Variants in KDM4C observed in about 807,000 individuals in gnomAD.
KDM4C encodes lysine demethylase 4C.
KDM4C carries 81 observed loss-of-function variants against 129.3 expected under a neutral mutation model. The ratio of observed to expected loss-of-function variants is 0.63; its 90% confidence interval spans 0.52 to 0.75. KDM4C has a LOEUF of 0.75. Among genes scored for constraint, KDM4C ranks in the 30% least tolerant of loss-of-function variants. The pLI, the probability that KDM4C is intolerant of heterozygous loss-of-function variation, is 0.00. For missense variants in KDM4C, 1,457 were observed against 1,304.0 expected (o/e 1.12, Z -1.81); for synonymous variants, 573 against 456.1 (o/e 1.26, Z -3.26).
intron 1 of KDM4C, among the ~76,000 whole-genome samples, chr9:6,740,290 G>A (rs1262380131): frequency 1.3e-5 from 2 of 151,122 alleles, no homozygotes; most frequent in Non-Finnish European, 3.0e-5. Context: ...TGCAAGCTCC[G>A]CCTCCCGGGT....
At chr9:6,986,233 A>G (rs1817674257) in intron 10 of KDM4C, 111 bp from the exon 11 acceptor site, 1 of 699,962 alleles carries the variant, frequency 1.4e-6, no homozygotes, top group South Asian at 1.9e-5. Context: ...GTGCATGCGC[A>G]TGCGTGTGTA....
Position 6,746,683 on chromosome 9 carries a change from T to G in KDM4C, c.49+25686T>G, listed in dbSNP as rs200045970. Among the ~76,000 whole-genome samples, 3 of 148,220 alleles carry G rather than the reference T, an allele frequency of 2.0e-5. No individual in the cohort carries two copies. In the South Asian group the frequency reaches 6.3e-4, roughly 31 times the overall value. On this transcript the variant is annotated intron_variant, in intron 1 of 17. Coordinates refer to the KDM4C transcript ENST00000536108. ...TCGCTTGAGCCCAGGAATTCCAGAC[T>G]AGCCTGGGCAACATGGCAAAACCTC... is the stretch of plus-strand genomic sequence containing the variant.
chr9:6,779,054 A>G (rs1823735360), intron 1 of KDM4C, among the ~76,000 whole-genome samples: 5 of 68,108 alleles, frequency 7.3e-5, no homozygotes, highest in South Asian at 6.9e-4. Flanking sequence ...TTTGAGATGG[A>G]GTCTCGCTCT....
chr9:6,795,846 A>G (rs1421127957), intron 2 of KDM4C, among the ~76,000 whole-genome samples: 3 of 149,406 alleles, frequency 2.0e-5, no homozygotes, highest in East Asian at 2.0e-4. Context: ...TAAGTTTTGT[A>G]TTTTTTGTAG....
At chr9:7,014,101 A>T in intron 14 of KDM4C, 100 bp downstream of exon 14, 1 of 858,998 alleles carries the variant, frequency 1.2e-6, no homozygotes, top group Admixed American at 2.3e-5. Flanking sequence ...TGCATGGACT[A>T]TTGGCATTCT....
At chr9:6,810,340 G>T (rs1830916966) in intron 3 of KDM4C, among the ~76,000 whole-genome samples, 1 of 152,118 alleles carries the variant, frequency 6.6e-6, no homozygotes, top group Non-Finnish European at 1.5e-5. Flanking sequence ...TAGTATCTGG[G>T]ATATGGTAGG....
intron 1 of KDM4C, among the ~76,000 whole-genome samples, chr9:6,741,830 A>G (rs1817707310): frequency 6.6e-6 from 1 of 151,612 alleles, no homozygotes; most frequent in African/African-American, 2.4e-5. Context: ...GGTCTCCCAA[A>G]GTGCTGGGAT....
intron 5 of KDM4C, among the ~76,000 whole-genome samples, chr9:6,864,482 C>G (rs1250661388): frequency 6.6e-6 from 1 of 152,024 alleles, no homozygotes; most frequent in African/African-American, 2.4e-5. Context: ...TTGGGGTAAT[C>G]TTATTTGGGT....
chr9:6,777,785 T>A (rs1227028369), intron 1 of KDM4C, among the ~76,000 whole-genome samples: 1 of 152,122 alleles, frequency 6.6e-6, no homozygotes, highest in Non-Finnish European at 1.5e-5. Flanking sequence ...AGATTTAAAA[T>A]GGTTTGTAAT....
intron 5 of KDM4C, among the ~76,000 whole-genome samples, chr9:6,863,867 C>G (rs12238198): frequency 0.08 from 12,007 of 150,462 alleles, 987 homozygotes; most frequent in East Asian, 0.36. Context: ...CTCATGGGAA[C>G]TAATGGAGTG....
chr9:7,033,936 G>A (rs1587091896), intron 15 of KDM4C, among the ~76,000 whole-genome samples: 1 of 151,856 alleles, frequency 6.6e-6, no homozygotes, highest in Admixed American at 6.6e-5. Context: ...GAAGAGTGTG[G>A]AAAAACTGCA....
intron 7 of KDM4C, among the ~76,000 whole-genome samples, chr9:6,891,202 G>A (rs1363603938): frequency 2.0e-5 from 3 of 152,026 alleles, no homozygotes; most frequent in African/African-American, 7.2e-5. Context: ...AATAATAGGG[G>A]CATGGACAAT....
chr9:7,011,044 TA>T (rs955735430), intron 12 of KDM4C, among the ~76,000 whole-genome samples: 1 of 151,764 alleles, frequency 6.6e-6, no homozygotes, highest in Admixed American at 6.6e-5. Context: ...AACTCCATCT[TA>T]AAAAAGAAAA....
intron 3 of KDM4C, 133 bp downstream of exon 3, chr9:6,805,907 T>C (rs1431382430): frequency 1.4e-6 from 1 of 728,300 alleles, no homozygotes; most frequent in Non-Finnish European, 2.1e-6. Context: ...TTCATTGAAC[T>C]GTTTCTGTTT....
chr9:6,761,295 C>T (rs1819443455), intron 1 of KDM4C, among the ~76,000 whole-genome samples: 1 of 152,078 alleles, frequency 6.6e-6, no homozygotes, highest in African/African-American at 2.4e-5. Context: ...AGGTGTGAAC[C>T]ACTGTGCCCG....
chr9:6,928,447 G>A (rs917965672), intron 8 of KDM4C, among the ~76,000 whole-genome samples: 10 of 152,352 alleles, frequency 6.6e-5, no homozygotes, highest in Non-Finnish European at 1.3e-4. Flanking sequence ...AGTAGGTGCT[G>A]CTTGCCTGGT....
intron 4 of KDM4C, among the ~76,000 whole-genome samples, chr9:6,842,666 G>T (rs930615213): frequency 2.6e-5 from 4 of 151,968 alleles, no homozygotes; most frequent in African/African-American, 9.7e-5. Flanking sequence ...GTTGGTTAAT[G>T]TCACATAAAA....
At chr9:6,742,273 C>T (rs1036404652) in intron 1 of KDM4C, among the ~76,000 whole-genome samples, 1 of 151,380 alleles carries the variant, frequency 6.6e-6, no homozygotes, top group African/African-American at 2.5e-5. Context: ...CTTGGCCCCC[C>T]AGAGTGCTGG....
chr9:6,785,914 C>T (rs1825383142), intron 1 of KDM4C, among the ~76,000 whole-genome samples: 1 of 152,176 alleles, frequency 6.6e-6, no homozygotes, highest in South Asian at 2.1e-4. Flanking sequence ...CAGACTCCAT[C>T]ACCTCAGGTA....
Sources: allele counts gnomAD v4.1 joint callset (sites outside exome capture counted in the v4.1 genomes callset), GRCh38; gene constraint gnomAD v4.1.1; transcripts MANE v1.5; gene names NCBI Gene and HGNC (gene_info 2026-07-23, HGNC 2026-07-21).